The following CSMD3 variants were observed in gnomAD, a reference collection of about 807,000 sequenced individuals.
CSMD3 encodes the protein CUB and Sushi multiple domains 3.
In CSMD3, 177 loss-of-function variants were observed where a neutral mutation model predicts 435.2. The ratio of observed to expected loss-of-function variants is 0.41; its 90% CI spans 0.36 to 0.46. The LOEUF (loss-of-function observed/expected upper bound fraction) is 0.46. Ranked by LOEUF, CSMD3 falls within the 20% of genes least tolerant of loss-of-function variation. The pLI is 0.34. For missense variants in CSMD3, 4,265 were observed against 4,504.6 expected (o/e 0.95, Z 1.52); for synonymous variants, 1,656 against 1,520.5 (o/e 1.09, Z -2.07).
intron 16 of CSMD3, among the ~76,000 whole-genome samples, chr8:112,680,439 T>C (rs749223064): frequency 2.0e-5 from 3 of 152,220 alleles, no homozygotes; most frequent in Non-Finnish European, 4.4e-5. Flanking sequence ...TCAAAAACTA[T>C]GTTAAAAGAA....
intron 30 of CSMD3, among the ~76,000 whole-genome samples, chr8:112,499,984 C>T (rs1019167689): frequency 6.6e-6 from 1 of 152,088 alleles, no homozygotes; most frequent in African/African-American, 2.4e-5. Flanking sequence ...TGGCTCATGC[C>T]TGTAATCCCA....
At chr8:112,480,571 C>A (rs904583210) in intron 31 of CSMD3, among the ~76,000 whole-genome samples, 1 of 152,022 alleles carries the variant, frequency 6.6e-6, no homozygotes, top group South Asian at 2.1e-4. Context: ...GCTATCCTTG[C>A]GATAGTGAGT....
At chr8:113,136,342 T>A (rs530569541) in intron 4 of CSMD3, among the ~76,000 whole-genome samples, 1 of 151,952 alleles carries the variant, frequency 6.6e-6, no homozygotes, top group East Asian at 1.9e-4. Flanking sequence ...TTAGCTACTA[T>A]TAATACATAC....
At chr8:113,105,728 G>T (rs1196784258) in intron 4 of CSMD3, among the ~76,000 whole-genome samples, 2 of 152,118 alleles carry the variant, frequency 1.3e-5, no homozygotes, top group African/African-American at 4.8e-5. Context: ...ACTTAAAAAT[G>T]CAATACTTAA....
intron 2 of CSMD3, among the ~76,000 whole-genome samples, chr8:113,283,275 A>G (rs770989656): frequency 3.3e-5 from 5 of 152,142 alleles, no homozygotes; most frequent in Non-Finnish European, 7.4e-5. Context: ...AGCAAAAGGA[A>G]CATTCACCAG....
chr8:113,301,284 T>C (rs2093764705), intron 2 of CSMD3, among the ~76,000 whole-genome samples: 2 of 152,132 alleles, frequency 1.3e-5, no homozygotes. Flanking sequence ...CAGACTTATA[T>C]ATTATTATGA....
chr8:113,073,595 C>CCTGTGTTT (rs2131415743), intron 5 of CSMD3, among the ~76,000 whole-genome samples: 1 of 151,850 alleles, frequency 6.6e-6, no homozygotes, highest in South Asian at 2.1e-4. Context: ...TTAGTAAAAT[C>CCTGTGTTT]CTGTGTTTCT....
At chr8:112,240,501 A>G (rs887761570) in intron 66 of CSMD3, among the ~76,000 whole-genome samples, 1 of 152,040 alleles carries the variant, frequency 6.6e-6, no homozygotes, top group Non-Finnish European at 1.5e-5. Flanking sequence ...TAAGTCACAG[A>G]GCTTGGTGGT....
At chr8:113,415,040 AG>A (rs1180196398) in intron 1 of CSMD3, among the ~76,000 whole-genome samples, 1 of 152,186 alleles carries the variant, frequency 6.6e-6, no homozygotes, top group Non-Finnish European at 1.5e-5. Context: ...AGAATTAACT[AG>A]TGAAAAGTAA....
intron 47 of CSMD3, 151 bp from the exon 48 acceptor site, chr8:112,314,768 T>C: frequency 1.5e-6 from 1 of 662,338 alleles, no homozygotes; most frequent in Non-Finnish European, 2.7e-6. Context: ...TGTATTAAAC[T>C]TATGATTCAA....
intron 24 of CSMD3, 129 bp downstream of exon 24, chr8:112,573,372 T>C: frequency 2.3e-6 from 2 of 860,584 alleles, no homozygotes; most frequent in Non-Finnish European, 3.9e-6. Context: ...CAAATAAAAT[T>C]ATATATGTAG....
chr8:113,198,487 C>T (rs2092683857), intron 3 of CSMD3, among the ~76,000 whole-genome samples: 1 of 151,176 alleles, frequency 6.6e-6, no homozygotes, highest in South Asian at 2.1e-4. Context: ...TAAACATACA[C>T]ATACTAAATT....
intron 42 of CSMD3, among the ~76,000 whole-genome samples, chr8:112,340,987 G>A (rs1278862989): frequency 2.6e-5 from 4 of 152,136 alleles, no homozygotes; most frequent in African/African-American, 9.6e-5. Flanking sequence ...CTGTTTGAGA[G>A]ATAGGTCTAA....
In CSMD3 at chr8:113,145,035, T is replaced by C. The variant is rs899319321; in HGVS notation, c.709+28687A>G. ...GGGCAAGGGTGAGTGATTTGTCAAA[T>C]GTCTGGGGAAGGATTTTCCAAGCAG... On this transcript the variant is annotated intron_variant, in intron 4 of 70. Transcript: ENST00000297405. Among the ~76,000 whole-genome samples the C allele has an allele frequency of 2.6e-5, 4 of 151,368 alleles. No homozygotes were observed. In the Admixed American group the frequency reaches 2.6e-4, roughly 10 times the overall value.
intron 10 of CSMD3, 29 bp from the exon 11 acceptor site, chr8:112,859,295 G>T: frequency 6.3e-7 from 1 of 1,591,744 alleles, no homozygotes; most frequent in South Asian, 1.1e-5. Flanking sequence ...TTTAAAAGAT[G>T]AACATATGTC....
At chr8:112,420,037 A>G (rs1449573276) in intron 32 of CSMD3, among the ~76,000 whole-genome samples, 1 of 151,440 alleles carries the variant, frequency 6.6e-6, no homozygotes, top group South Asian at 2.1e-4. Context: ...CACCTTTCAT[A>G]TTTTTTTTTA....
chr8:113,223,192 G>A (rs538055419), intron 3 of CSMD3, among the ~76,000 whole-genome samples: 1 of 149,946 alleles, frequency 6.7e-6, no homozygotes, highest in Non-Finnish European at 1.5e-5. Flanking sequence ...TCAAAATATA[G>A]CTCATTTTAA....
intron 13 of CSMD3, among the ~76,000 whole-genome samples, chr8:112,705,717 T>A (rs2131895030): frequency 6.6e-6 from 1 of 152,134 alleles, no homozygotes; most frequent in Non-Finnish European, 1.5e-5. Context: ...ATTCAGAATA[T>A]ATTTTAAAAT....
chr8:112,280,518 C>T (rs991859538), intron 59 of CSMD3, among the ~76,000 whole-genome samples: 3 of 152,132 alleles, frequency 2.0e-5, no homozygotes, highest in Admixed American at 2.0e-4. Flanking sequence ...GCGATCTACA[C>T]ATCTCAGCCT....
Sources: gnomAD v4.1 joint callset for allele counts (sites outside exome capture counted in the v4.1 genomes callset) on GRCh38, gnomAD v4.1.1 for gene constraint, MANE v1.5 for transcripts, NCBI Gene and HGNC (gene_info 2026-07-23, HGNC 2026-07-21) for gene names.